Variants in KCNAB2 observed in about 807,000 individuals in gnomAD.
KCNAB2 encodes the protein potassium voltage-gated channel subfamily A regulatory beta subunit 2.
A neutral mutation model predicts 63.6 loss-of-function variants in KCNAB2; 29 were observed. That is an observed-to-expected ratio of 0.46 (90% CI 0.34 to 0.62). KCNAB2 has a LOEUF of 0.62. KCNAB2 is among the 20% of genes least tolerant of loss of function. The pLI, the probability that KCNAB2 is intolerant of heterozygous loss-of-function variation, is 0.01. For missense variants in KCNAB2, 359 were observed against 563.9 expected (o/e 0.64, Z 3.68); for synonymous variants, 222 against 224.2 (o/e 0.99, Z 0.09).
At chr1:6,029,348 CAGCCA>C (rs2100377991), upstream of KCNAB2, among the ~76,000 whole-genome samples, 1 of 151,548 alleles carries the variant, frequency 6.6e-6, no homozygotes, top group Admixed American at 6.6e-5. Context: ...AGCCTCCTGA[CAGCCA>C]AGGAGACCAG....
intron 4 of KCNAB2, among the ~76,000 whole-genome samples, chr1:6,081,648 G>T (rs1664220580): frequency 6.6e-6 from 1 of 152,074 alleles, no homozygotes; most frequent in African/African-American, 2.4e-5. Context: ...GCTCCTGGGG[G>T]TTGCCAACAG....
rs1664955258 is a variant in KCNAB2, at chr1:6,089,067, G to A, written c.514+16G>A. ...ATAATCGAAGGTGAGGACGCGCTCG[G>A]GCACCTCAGGGCCCCCATACCTGTG... On this transcript the variant is annotated intron_variant, in intron 8 of 15. Coordinates refer to ENST00000378083, the MANE Select transcript of KCNAB2 (RefSeq NM_001199862.2). 6.5e-7 allele frequency: 1 copy of A among 1,547,508 alleles called. No homozygotes were observed. The highest frequency in any genetic ancestry group is 2.0e-5 in the Admixed American group (1 of 50,886).
chr1:6,094,330 C>G, intron 10 of KCNAB2, 70 bp from the exon 11 acceptor site: 1 of 1,182,288 alleles, frequency 8.5e-7, no homozygotes, highest in Non-Finnish European at 1.2e-6. Context: ...CCTGTATTTG[C>G]AGAATGTCCC....
upstream of KCNAB2, among the ~76,000 whole-genome samples, chr1:6,033,889 C>T (rs954688238): frequency 1.3e-5 from 2 of 152,198 alleles, no homozygotes; most frequent in Admixed American, 6.5e-5. Context: ...AATCTAAATC[C>T]GGAAGATTTG....
chr1:6,022,785 C>T (rs866488319), intron 1 of KCNAB2, among the ~76,000 whole-genome samples: 1 of 151,702 alleles, frequency 6.6e-6, no homozygotes, highest in Non-Finnish European at 1.5e-5. Flanking sequence ...AGAATGTTCT[C>T]GAGACTCATC....
intron 2 of KCNAB2, among the ~76,000 whole-genome samples, chr1:6,052,310 A>AGCT (rs1032628464): frequency 1.3e-5 from 2 of 152,088 alleles, no homozygotes; most frequent in African/African-American, 4.8e-5. Flanking sequence ...CTGTAGTCCC[A>AGCT]GCTACTTGGG....
intron 1 of KCNAB2, among the ~76,000 whole-genome samples, chr1:6,009,410 C>T (rs1658016700): frequency 1.3e-5 from 2 of 152,184 alleles, no homozygotes; most frequent in Admixed American, 1.3e-4. Flanking sequence ...TATGTGTGCA[C>T]ACGTGTGCAT....
upstream of KCNAB2, chr1:6,041,294 T>C (rs1386912882): frequency 6.0e-6 from 1 of 166,218 alleles, no homozygotes; most frequent in East Asian, 1.8e-4. Flanking sequence ...GCACAGGCAG[T>C]ACCCCAGCAG....
chr1:6,085,526 T>G (rs918847303), intron 6 of KCNAB2, among the ~76,000 whole-genome samples: 2 of 152,008 alleles, frequency 1.3e-5, no homozygotes, highest in African/African-American at 4.8e-5. Context: ...AGCACCAGGG[T>G]CCCTGCTTGC....
intron 2 of KCNAB2, among the ~76,000 whole-genome samples, chr1:6,061,577 G>A (rs1459791488): frequency 6.6e-6 from 1 of 152,212 alleles, no homozygotes; most frequent in Non-Finnish European, 1.5e-5. Context: ...TCTGCCTACT[G>A]CCAGTAGCAC....
At chr1:6,063,542 T>C (rs756205533) in intron 2 of KCNAB2, among the ~76,000 whole-genome samples, 7 of 151,994 alleles carry the variant, frequency 4.6e-5, no homozygotes, top group Non-Finnish European at 4.4e-5. Flanking sequence ...CCCGAGTAGC[T>C]GGCATTACAG....
intron 2 of KCNAB2, among the ~76,000 whole-genome samples, chr1:6,061,582 T>G (rs1381118912): frequency 6.6e-6 from 1 of 152,210 alleles, no homozygotes; most frequent in African/African-American, 2.4e-5. Flanking sequence ...CTACTGCCAG[T>G]AGCACCTCCT....
chr1:6,019,286 C>T (rs1658684974), intron 1 of KCNAB2, among the ~76,000 whole-genome samples: 1 of 152,110 alleles, frequency 6.6e-6, no homozygotes. Flanking sequence ...AGTAAGTTCC[C>T]TTCTCCTAAA....
At chr1:6,091,814 G>A (rs1665212209) in intron 10 of KCNAB2, among the ~76,000 whole-genome samples, 1 of 152,192 alleles carries the variant, frequency 6.6e-6, no homozygotes, top group Non-Finnish European at 1.5e-5. Flanking sequence ...CCCGTCCACA[G>A]CACGCTGCTC....
At chr1:6,040,477 C>A in intron 1 of KCNAB2, 1 of 1,111,142 alleles carries the variant, frequency 9.0e-7, no homozygotes, top group Non-Finnish European at 1.4e-6. Context: ...CTTTTTTAAC[C>A]ACCACCCTCT....
At chr1:6,054,056 A>AAAG (rs778542488) in intron 2 of KCNAB2, among the ~76,000 whole-genome samples, 2 of 151,402 alleles carry the variant, frequency 1.3e-5, no homozygotes, top group Non-Finnish European at 2.9e-5. Flanking sequence ...AAAAAAAAAA[A>AAAG]AAGAAGAAGA....
chr1:6,023,074 G>A (rs1483900263), intron 1 of KCNAB2, among the ~76,000 whole-genome samples: 1 of 151,952 alleles, frequency 6.6e-6, no homozygotes, highest in African/African-American at 2.4e-5. Flanking sequence ...TAGAGACGGG[G>A]TTTCGCCATG....
intron 2 of KCNAB2, among the ~76,000 whole-genome samples, chr1:6,063,761 A>C (rs1328069466): frequency 2.0e-5 from 3 of 152,122 alleles, no homozygotes; most frequent in African/African-American, 7.2e-5. Context: ...AGAGGGCTAC[A>C]TCCTGTTTCT....
In KCNAB2 at chr1:6,071,812, G is replaced by T. The variant is rs897258610; in HGVS notation, c.219-943G>T. ...TGCCACATAGGGCACCTCCTGCCGCGAGGGCACCTCCTGCCGCATAGGGCA... is the reference window on the plus strand; with the variant it reads ...TGCCACATAGGGCACCTCCTGCCGCTAGGGCACCTCCTGCCGCATAGGGCA... On this transcript the variant is annotated intron_variant, in intron 2 of 15. Coordinates refer to ENST00000378083, the MANE Select transcript of KCNAB2 (RefSeq NM_001199862.2). The surrounding 1 kb of genome is among the most constrained non-coding windows in gnomAD (Gnocchi z 8.5). Among the ~76,000 whole-genome samples, 1 of 150,712 alleles carries T rather than the reference G, an allele frequency of 6.6e-6. No individual in the cohort carries two copies. Among genetic ancestry groups the T allele is most frequent in the Non-Finnish European group, 1.5e-5 (1 of 67,544 alleles).
Sources: allele counts gnomAD v4.1 joint callset (sites outside exome capture counted in the v4.1 genomes callset), GRCh38; gene constraint gnomAD v4.1.1; non-coding constraint Gnocchi (gnomAD v3.1); transcripts MANE v1.5; gene names NCBI Gene and HGNC (gene_info 2026-07-23, HGNC 2026-07-21).